Variants in SERPINI1 observed in about 807,000 individuals in gnomAD.
The protein encoded by SERPINI1 is neuroserpin.
Under a neutral mutation model 41.1 loss-of-function variants are expected in SERPINI1, and 19 were observed. That is an observed-to-expected ratio of 0.46 (90% CI 0.32 to 0.68). The LOEUF is 0.68. SERPINI1 is among the 30% of genes least tolerant of loss of function. The probability of loss-of-function intolerance (pLI) is 0.03; values close to 1 mark genes in which losing one functional copy is unlikely to be tolerated. For missense variants in SERPINI1, 460 were observed against 479.2 expected (o/e 0.96, Z 0.37); for synonymous variants, 138 against 156.6 (o/e 0.88, Z 0.89).
At chr3:167,758,061 G>T (rs947099693) in intron 1 of SERPINI1, among the ~76,000 whole-genome samples, 3 of 152,200 alleles carry the variant, frequency 2.0e-5, no homozygotes, top group Non-Finnish European at 1.5e-5. Flanking sequence ...CAGACAGGAA[G>T]TAATATTAAT....
At chr3:167,748,178 A>G (rs1441449776) in intron 1 of SERPINI1, among the ~76,000 whole-genome samples, 2 of 152,174 alleles carry the variant, frequency 1.3e-5, no homozygotes, top group South Asian at 2.1e-4. Flanking sequence ...GCTTTAGTCC[A>G]TTAGTGAAAC....
intron 1 of SERPINI1, among the ~76,000 whole-genome samples, chr3:167,778,522 C>A (rs1429482378): frequency 6.6e-6 from 1 of 152,098 alleles, no homozygotes; most frequent in East Asian, 1.9e-4. Flanking sequence ...ATCACAGGAC[C>A]AGTTGGGTCC....
intron 1 of SERPINI1, among the ~76,000 whole-genome samples, chr3:167,761,154 A>C (rs1726366590): frequency 6.6e-6 from 1 of 152,196 alleles, no homozygotes. Flanking sequence ...TTGGGATTGC[A>C]GGTGTTTTTA....
chr3:167,816,178 G>A (rs1712080819), intron 6 of SERPINI1, among the ~76,000 whole-genome samples: 1 of 152,024 alleles, frequency 6.6e-6, no homozygotes, highest in Non-Finnish European at 1.5e-5. Context: ...TGAGTAGCTG[G>A]GACTACCACG....
At chr3:167,792,535 C>G (rs1163788077) in intron 3 of SERPINI1, 55 bp from the exon 4 acceptor site, 2 of 1,460,354 alleles carry the variant, frequency 1.4e-6, no homozygotes, top group Non-Finnish European at 1.9e-6. Flanking sequence ...CTTCTGGTCC[C>G]CCTTGATCTT....
chr3:167,774,429 G>A (rs1257606375), intron 1 of SERPINI1, among the ~76,000 whole-genome samples: 2 of 152,134 alleles, frequency 1.3e-5, no homozygotes, highest in African/African-American at 2.4e-5. Context: ...AGTAGCTACT[G>A]CAGCAAAGTG....
chr3:167,770,621 G>A (rs1215173796), intron 1 of SERPINI1, among the ~76,000 whole-genome samples: 1 of 151,752 alleles, frequency 6.6e-6, no homozygotes, highest in Non-Finnish European at 1.5e-5. Flanking sequence ...TATAATATAG[G>A]GAGAACTGAC....
At chr3:167,770,307 T>C (rs1726706957) in intron 1 of SERPINI1, among the ~76,000 whole-genome samples, 1 of 152,020 alleles carries the variant, frequency 6.6e-6, no homozygotes, top group Non-Finnish European at 1.5e-5. Flanking sequence ...TGATTTGAAG[T>C]ACAAAGTAAT....
At chr3:167,744,699 AATAT>A (rs1203943123) in intron 1 of SERPINI1, among the ~76,000 whole-genome samples, 1 of 104,008 alleles carries the variant, frequency 9.6e-6, no homozygotes, top group Admixed American at 1.0e-4. Flanking sequence ...AACATATATA[AATAT>A]ATATAAAATA....
chr3:167,782,869 T>C (rs35578964), intron 1 of SERPINI1, among the ~76,000 whole-genome samples: 19,535 of 152,122 alleles, frequency 0.13, 1,531 homozygotes, highest in African/African-American at 0.21. Flanking sequence ...AAGCCAGTAA[T>C]AGGAGAGGAA....
chr3:167,739,903 GT>G (rs1725618124), intron 1 of SERPINI1, among the ~76,000 whole-genome samples: 2 of 151,806 alleles, frequency 1.3e-5, no homozygotes, highest in Admixed American at 6.6e-5. Flanking sequence ...ATTGTATATA[GT>G]TTTTTAGTAG....
intron 1 of SERPINI1, among the ~76,000 whole-genome samples, chr3:167,766,342 AAG>A (rs921671223): frequency 6.6e-6 from 1 of 152,064 alleles, no homozygotes; most frequent in Admixed American, 6.6e-5. Context: ...GCAGCAGGCA[AAG>A]AGAGAGAGAG....
chr3:167,777,724 C>T (rs917034696), intron 1 of SERPINI1, among the ~76,000 whole-genome samples: 1 of 152,154 alleles, frequency 6.6e-6, no homozygotes, highest in African/African-American at 2.4e-5. Context: ...ACTGTTGGCA[C>T]TACATATTCT....
At chr3:167,802,769 A>C (rs1398959556) in intron 5 of SERPINI1, among the ~76,000 whole-genome samples, 193 of 148,968 alleles carry the variant, frequency 1.3e-3, no homozygotes, top group Non-Finnish European at 1.9e-3. Context: ...CAGCCATCCC[A>C]TTACTGGGTA....
chr3:167,772,976 A>ATG lies in SERPINI1; in HGVS notation c.-18-16133_-18-16132dup, dbSNP rs541090687. 1.6e-4 allele frequency among the ~76,000 whole-genome samples: 23 copies of ATG among 143,420 alleles called. 1 individual carries two copies. The East Asian group carries it at 4.2e-3, about 26-fold the overall frequency. 94.1% of individuals were successfully genotyped at this position (143,420 alleles called of 152,430 possible). Reference sequence around the variant, plus strand: ...TATATATGTATATGTGTGTATATATATGTATATATATATATTTCTCTGAAG... The same window carrying ATG: ...TATATATGTATATGTGTGTATATATATGTGTATATATATATATTTCTCTGAAG... On this transcript the variant is annotated intron_variant, in intron 1 of 8. Transcript: ENST00000446050.
intron 5 of SERPINI1, among the ~76,000 whole-genome samples, chr3:167,795,373 G>A (rs145706411): frequency 1.3e-5 from 2 of 152,246 alleles, no homozygotes; most frequent in Non-Finnish European, 2.9e-5. Context: ...TGCCTTTGAT[G>A]TCCTGAATGC....
chr3:167,755,779 A>G (rs955891573), intron 1 of SERPINI1, among the ~76,000 whole-genome samples: 15 of 150,966 alleles, frequency 9.9e-5, no homozygotes, highest in African/African-American at 3.4e-4. Flanking sequence ...CTATTAAAAC[A>G]AGTAGGTGTT....
chr3:167,749,370 A>C (rs1295437839), intron 1 of SERPINI1, among the ~76,000 whole-genome samples: 1 of 150,940 alleles, frequency 6.6e-6, no homozygotes, highest in Non-Finnish European at 1.5e-5. Context: ...TCATTAAAAC[A>C]TAATGTTCAG....
intron 1 of SERPINI1, among the ~76,000 whole-genome samples, chr3:167,755,791 C>A (rs1726174127): frequency 7.1e-6 from 1 of 141,216 alleles, no homozygotes; most frequent in African/African-American, 2.7e-5. Context: ...GTAGGTGTTG[C>A]TGATTTTTTT....
Sources: gnomAD v4.1 joint callset for allele counts (sites outside exome capture counted in the v4.1 genomes callset) on GRCh38, gnomAD v4.1.1 for gene constraint, MANE v1.5 for transcripts, NCBI Gene and HGNC (gene_info 2026-07-23, HGNC 2026-07-21) for gene names.